CNNM2: variants seen among roughly 807,000 people sequenced by gnomAD.
CNNM2 encodes cyclin and CBS domain divalent metal cation transport mediator 2, also known as metal transporter CNNM2.
In CNNM2, 12 loss-of-function variants were observed where a neutral mutation model predicts 66.9. That is an observed-to-expected ratio of 0.18 (90% CI 0.11 to 0.29). The LOEUF (loss-of-function observed/expected upper bound fraction) is 0.29. CNNM2 is among the 10% of genes least tolerant of loss of function. The pLI, the probability that CNNM2 is intolerant of heterozygous loss-of-function variation, is 1.00. For missense variants in CNNM2, 705 were observed against 1,167.7 expected, an observed-to-expected ratio of 0.60 and a Z score of 5.77; for synonymous variants, 557 against 501.8, an observed-to-expected ratio of 1.11 and a Z score of -1.47.
At chr10:103,048,080 C>A (rs1010029819) in intron 1 of CNNM2, among the ~76,000 whole-genome samples, 1 of 150,812 alleles carries the variant, frequency 6.6e-6, no homozygotes, top group South Asian at 2.1e-4. Flanking sequence ...CACCACCACA[C>A]CTGGCTAATT....
At position 103,082,128 on chromosome 10, in the gene CNNM2, C is replaced by CTT. The variant is rs1798456499; in HGVS notation, c.*4949_*4950dup. The CTT allele has an allele frequency of 6.6e-6, 1 of 152,236 alleles. No homozygotes were observed. Among genetic ancestry groups the CTT allele is most frequent in the Admixed American group, 6.5e-5 (1 of 15,278 alleles). The allele number at this position is 152,236 out of a possible 1,614,324, so 9.4% of individuals were successfully genotyped here. A position where few individuals can be genotyped will look rare whatever the true frequency, so the allele number is the denominator to read the frequency against. Reference sequence around the variant, plus strand: ...GATCCAACACATACTGTAAGAAAGACTTGAGTACACAAGGTTTTCAGGTTT... The same window carrying CTT: ...GATCCAACACATACTGTAAGAAAGACTTTTGAGTACACAAGGTTTTCAGGTTT... On this transcript the variant is annotated 3_prime_UTR_variant, in exon 8 of 8. Coordinates refer to ENST00000369878, the MANE Select transcript of CNNM2 (RefSeq NM_017649.5).
intron 1 of CNNM2, among the ~76,000 whole-genome samples, chr10:103,040,771 A>G (rs899763014): frequency 2.6e-5 from 4 of 152,154 alleles, no homozygotes; most frequent in Non-Finnish European, 4.4e-5. Flanking sequence ...TGTCAACCTC[A>G]TCCCTGCCCA....
intron 1 of CNNM2, among the ~76,000 whole-genome samples, chr10:102,992,135 T>C (rs934004586): frequency 2.6e-5 from 4 of 152,298 alleles, no homozygotes; most frequent in South Asian, 4.1e-4. Context: ...AAACTTAGAC[T>C]AAGCTTTCTG....
chr10:103,076,058 A>G, intron 6 of CNNM2, 28 bp from the exon 7 acceptor site: 1 of 1,590,834 alleles, frequency 6.3e-7, no homozygotes, highest in Non-Finnish European at 8.6e-7. Flanking sequence ...CTTCACTTAA[A>G]CAGTTGGATT....
chr10:102,934,268 T>C (rs1590271003), intron 1 of CNNM2, among the ~76,000 whole-genome samples: 1 of 142,088 alleles, frequency 7.0e-6, no homozygotes, highest in East Asian at 2.0e-4. Flanking sequence ...TATTTCTTTC[T>C]TTCTTTCTTT....
chr10:102,953,215 T>G (rs2134193931), intron 1 of CNNM2, among the ~76,000 whole-genome samples: 2 of 152,308 alleles, frequency 1.3e-5, no homozygotes, highest in Middle Eastern at 6.8e-3. Context: ...AAACTTATAA[T>G]CTAGCACAAT....
At chr10:103,015,929 G>A (rs150594240) in intron 1 of CNNM2, among the ~76,000 whole-genome samples, 3 of 152,066 alleles carry the variant, frequency 2.0e-5, no homozygotes, top group African/African-American at 7.2e-5. Context: ...AAAGCTCAAA[G>A]TTAAGCTCAC....
intron 1 of CNNM2, among the ~76,000 whole-genome samples, chr10:103,046,200 G>GT (rs2065124806): frequency 6.6e-6 from 1 of 152,238 alleles, no homozygotes; most frequent in South Asian, 2.1e-4. Context: ...GCTCAGAAAA[G>GT]TTATGTTTGG....
At position 102,934,278 on chromosome 10, in the gene CNNM2, T is replaced by A. The variant is rs889342761; in HGVS notation, c.1621+14177T>A. Among the ~76,000 whole-genome samples the A allele has an allele frequency of 2.1e-5, 3 of 145,940 alleles. No homozygotes were observed. The East Asian group carries it at 5.9e-4, about 29-fold the overall frequency. On this transcript the variant is annotated intron_variant, in intron 1 of 7. Transcript: ENST00000369878. The stretch of plus-strand genomic sequence containing the variant: ...AAGTCTATTTCTTTCTTTCTTTCTT[T>A]CTTTTTTTTTTTTTGAGACAGAGCC...
chr10:102,931,420 G>A (rs1387657312), intron 1 of CNNM2, among the ~76,000 whole-genome samples: 4 of 145,728 alleles, frequency 2.7e-5, no homozygotes, highest in African/African-American at 1.0e-4. Flanking sequence ...GCAATGGTGC[G>A]ATCTCACCTC....
At chr10:103,042,530 C>T (rs978119063) in intron 1 of CNNM2, among the ~76,000 whole-genome samples, 5 of 152,206 alleles carry the variant, frequency 3.3e-5, no homozygotes, top group African/African-American at 7.2e-5. Flanking sequence ...CTCCCCTGCT[C>T]GAATGCCTCT....
chr10:103,045,766 C>T (rs751596107), intron 1 of CNNM2, among the ~76,000 whole-genome samples: 5 of 152,112 alleles, frequency 3.3e-5, no homozygotes, highest in Non-Finnish European at 5.9e-5. Flanking sequence ...GATGCTGTTA[C>T]TATTTTAAAA....
chr10:102,978,735 A>G (rs1324452157), intron 1 of CNNM2, among the ~76,000 whole-genome samples: 1 of 152,210 alleles, frequency 6.6e-6, no homozygotes, highest in African/African-American at 2.4e-5. Context: ...CAGCGCCCAG[A>G]GCAAGAAACG....
chr10:103,028,854 G>A (rs779065603), intron 1 of CNNM2, among the ~76,000 whole-genome samples: 3 of 115,736 alleles, frequency 2.6e-5, no homozygotes, highest in South Asian at 2.8e-4. Context: ...AGACAGTCTC[G>A]CTGTGTCACT....
At chr10:103,053,231 A>G (rs1364369589) in intron 2 of CNNM2, among the ~76,000 whole-genome samples, 11 of 152,160 alleles carry the variant, frequency 7.2e-5, no homozygotes, top group Non-Finnish European at 8.8e-5. Context: ...TTGTTGCAAA[A>G]TGGCTAAGCA....
chr10:103,068,027 G>A (rs962822539), intron 4 of CNNM2, among the ~76,000 whole-genome samples: 6 of 152,110 alleles, frequency 3.9e-5, no homozygotes, highest in East Asian at 1.9e-4. Context: ...AAACCATGTC[G>A]GCCCTTGACC....
At chr10:103,050,185 A>T (rs1453698825) in intron 2 of CNNM2, among the ~76,000 whole-genome samples, 1 of 152,212 alleles carries the variant, frequency 6.6e-6, no homozygotes, top group Non-Finnish European at 1.5e-5. Flanking sequence ...AACTAGGTAT[A>T]TTGTTTTCAG....
At position 102,918,325 on chromosome 10, in the gene CNNM2, G is replaced by A. The variant is rs1290501862; in HGVS notation, c.-156G>A. Reference sequence around the variant, plus strand: ...CTCTTTCCCTCCCGCGAGCCTCGGGGTTCCTCAGCTGGCTGAGGTGGAGTC... The same window carrying A: ...CTCTTTCCCTCCCGCGAGCCTCGGGATTCCTCAGCTGGCTGAGGTGGAGTC... On this transcript the variant is annotated 5_prime_UTR_variant, in exon 1 of 8. Coordinates refer to ENST00000369878, the MANE Select transcript of CNNM2 (RefSeq NM_017649.5). The surrounding 1 kb of genome is among the most constrained non-coding windows in gnomAD (Gnocchi z 4.1). The A allele has an allele frequency of 1.6e-6, 2 of 1,286,892 alleles. No homozygotes were observed. Among genetic ancestry groups the A allele is most frequent in the Middle Eastern group, 2.7e-4 (1 of 3,666 alleles). 79.7% of individuals were successfully genotyped at this position (1,286,892 alleles called of 1,614,324 possible). A position where few individuals can be genotyped will look rare whatever the true frequency, so the allele number is the denominator to read the frequency against.
At position 102,932,748 on chromosome 10, in the gene CNNM2, T is replaced by C. The variant is rs143968693; in HGVS notation, c.1621+12647T>C. 0.048 allele frequency among the ~76,000 whole-genome samples: 7,352 copies of C among 151,784 alleles called. 181 individuals carry two copies. Among genetic ancestry groups the C allele is most frequent in the Non-Finnish European group, 0.056 (3,833 of 67,930 alleles). On this transcript the variant is annotated intron_variant, in intron 1 of 7. Coordinates refer to ENST00000369878, the MANE Select transcript of CNNM2 (RefSeq NM_017649.5). ...GCCTGGCCAACATGGTGAAACCCCG[T>C]CTCTACTAAAAATACAAAAATTAGC...
Sources: gnomAD v4.1 joint callset for allele counts (sites outside exome capture counted in the v4.1 genomes callset) on GRCh38, gnomAD v4.1.1 for gene constraint, Gnocchi (gnomAD v3.1) non-coding constraint, MANE v1.5 for transcripts, NCBI Gene and HGNC (gene_info 2026-07-23, HGNC 2026-07-21) for gene names.